MAOA: variants seen among roughly 807,000 people sequenced by gnomAD.
MAOA encodes monoamine oxidase A, also known as amine oxidase [flavin-containing] A.
In MAOA, 6 loss-of-function variants were observed where a neutral mutation model predicts 42.0. That is an observed-to-expected ratio of 0.14 (90% CI 0.08 to 0.28). The LOEUF (loss-of-function observed/expected upper bound fraction) is 0.28. Ranked by LOEUF, MAOA falls within the 10% of genes least tolerant of loss-of-function variation. MAOA has a pLI of 1.00. For synonymous variants in MAOA, 140 were observed against 154.0 expected (o/e 0.91, Z 0.67); for missense variants, 262 against 422.3 (o/e 0.62, Z 3.33).
In MAOA at chrX:43,711,950, A is replaced by C. The variant is rs1800464; in HGVS notation, c.385A>C (p.Arg129=). 76,739 of 1,199,692 alleles carry C rather than the reference A, an allele frequency of 0.064. 6,092 individuals carry two copies. Among genetic ancestry groups the C allele is most frequent in the African/African-American group, 0.5 (28,042 of 56,506 alleles). The change falls in exon 4 of 15, where the codon AGG becomes CGG. Residue 129 remains arginine (R), a synonymous_variant. Transcript: ENST00000338702. ...ATATTTGGATTACAATAATCTGTGG[A>C]GGACAATAGATAACATGGGGAAGGA... ...IAYLDYNNLW[R]TIDNMGKEIP... is the part of the protein sequence containing the mutation.
At chrX:43,710,721 C>T (rs1002486700) in intron 3 of MAOA, among the ~76,000 whole-genome samples, 2 of 111,958 alleles carry the variant, frequency 1.8e-5, no homozygotes, top group Non-Finnish European at 3.8e-5. Context: ...CTCTACTCAC[C>T]ATTGCTTCTC....
chrX:43,656,849 G>A (rs1461692355), intron 1 of MAOA, among the ~76,000 whole-genome samples: 1 of 109,615 alleles, frequency 9.1e-6, no homozygotes, highest in Non-Finnish European at 1.9e-5. Context: ...TTTAAGACCT[G>A]CAGTACTAAT....
At chrX:43,672,976 C>T (rs185592233) in intron 1 of MAOA, among the ~76,000 whole-genome samples, 2,270 of 111,495 alleles carry the variant, frequency 0.02, 31 homozygotes, top group Non-Finnish European at 0.032. Context: ...GGAGGATTCT[C>T]TCTTTTTCTA....
At chrX:43,722,237 C>A (rs1386884389) in intron 5 of MAOA, among the ~76,000 whole-genome samples, 4 of 112,140 alleles carry the variant, frequency 3.6e-5, no homozygotes, top group Non-Finnish European at 7.5e-5. Flanking sequence ...AATGGTATTT[C>A]TAGTTCCAGA....
chrX:43,669,097 T>C (rs1219776892), intron 1 of MAOA, among the ~76,000 whole-genome samples: 1 of 110,052 alleles, frequency 9.1e-6, no homozygotes, highest in Admixed American at 9.8e-5. Context: ...TCATTGTACA[T>C]AGGGTAGATA....
chrX:43,727,524 A>G (rs2033848962), intron 5 of MAOA, among the ~76,000 whole-genome samples: 1 of 112,419 alleles, frequency 8.9e-6, no homozygotes, highest in Admixed American at 9.4e-5. Flanking sequence ...ACCAAGCTCG[A>G]GCATTCCAGG....
intron 1 of MAOA, among the ~76,000 whole-genome samples, chrX:43,677,074 AT>A (rs1483222052): frequency 8.9e-6 from 1 of 111,752 alleles, no homozygotes; most frequent in East Asian, 2.8e-4. Context: ...AATAATGTGA[AT>A]ATTCTTGAAG....
intron 3 of MAOA, among the ~76,000 whole-genome samples, chrX:43,701,511 C>G (rs770818328): frequency 8.9e-6 from 1 of 111,957 alleles, no homozygotes; most frequent in Non-Finnish European, 1.9e-5. Context: ...TGTTGTGCCA[C>G]TGTCGCCACC....
At chrX:43,710,823 A>G (rs2033694145) in intron 3 of MAOA, among the ~76,000 whole-genome samples, 1 of 112,012 alleles carries the variant, frequency 8.9e-6, no homozygotes, top group Admixed American at 9.5e-5. Flanking sequence ...GTACCAAGCA[A>G]TAGAAACCAA....
intron 3 of MAOA, among the ~76,000 whole-genome samples, chrX:43,700,464 T>TTTCACAG (rs2033614871): frequency 8.9e-6 from 1 of 111,849 alleles, no homozygotes; most frequent in African/African-American, 3.3e-5. Context: ...ACAGTTTATA[T>TTTCACAG]TTCACAGTTC....
chrX:43,679,862 C>A (rs1448932770), intron 1 of MAOA, among the ~76,000 whole-genome samples: 1 of 112,095 alleles, frequency 8.9e-6, no homozygotes, highest in Non-Finnish European at 1.9e-5. Flanking sequence ...GAACTTAACC[C>A]TAAAGAAATA....
chrX:43,673,575 G>A lies in MAOA; in HGVS notation c.74-9938G>A, dbSNP rs769857083. 3.4e-3 allele frequency among the ~76,000 whole-genome samples: 375 copies of A among 108,720 alleles called. 2 individuals are homozygous for A. The highest frequency in any genetic ancestry group is 0.012 in the African/African-American group (364 of 29,862). The allele number at this position is 108,720 out of a possible 115,157, so 94.4% of individuals were successfully genotyped here. A position where few individuals can be genotyped will look rare whatever the true frequency, so the allele number is the denominator to read the frequency against. On this transcript the variant is annotated intron_variant, in intron 1 of 14. Coordinates refer to ENST00000338702, the MANE Select transcript of MAOA (RefSeq NM_000240.4). Reference sequence around the variant, plus strand: ...TTGGATCTTTCCTGCTTTCTCTTGTGGGCATTTAGTGCTATAAATTTCCCT... The same window carrying A: ...TTGGATCTTTCCTGCTTTCTCTTGTAGGCATTTAGTGCTATAAATTTCCCT...
intron 9 of MAOA, among the ~76,000 whole-genome samples, chrX:43,733,127 C>T (rs1033846848): frequency 2.7e-5 from 3 of 112,007 alleles, no homozygotes; most frequent in Non-Finnish European, 5.6e-5. Flanking sequence ...ATGTCCACAG[C>T]CATTCTGAAA....
At chrX:43,729,649 T>C (rs988254331) in intron 6 of MAOA, among the ~76,000 whole-genome samples, 1 of 111,516 alleles carries the variant, frequency 9.0e-6, no homozygotes, top group African/African-American at 3.3e-5. Context: ...TTCCTTTTTT[T>C]AATTTAATTT....
intron 7 of MAOA, 100 bp downstream of exon 7, chrX:43,731,490 A>G: frequency 1.0e-6 from 1 of 982,636 alleles, no homozygotes; most frequent in Non-Finnish European, 1.4e-6. Flanking sequence ...ATTAATGCTG[A>G]CATGTTTCCG....
intron 5 of MAOA, among the ~76,000 whole-genome samples, chrX:43,722,021 A>G (rs2033794418): frequency 9.0e-6 from 1 of 111,368 alleles, no homozygotes; most frequent in Non-Finnish European, 1.9e-5. Flanking sequence ...ACATGAACTC[A>G]TCCTTTTTTT....
In MAOA at chrX:43,731,851, A is replaced by C; in HGVS notation, c.953A>C (p.Lys318Thr). 5.0e-6 allele frequency: 6 copies of C among 1,203,694 alleles called. No individual in the cohort carries two copies. The highest frequency in any genetic ancestry group is 6.8e-6 in the Non-Finnish European group (6 of 887,946). The change falls in exon 8 of 15, where the codon AAG becomes ACG. Residue 318 changes from lysine (K) to threonine (T), a missense_variant and splice_region_variant. Physicochemically the swap from Lys to Thr is moderately conservative, Grantham distance 78 (BLOSUM62 -1). Around this residue, in one of 3 missense-constraint regions of MAOA, gnomAD observed 86 missense variants for 190.3 expected, o/e 0.45. Coordinates refer to ENST00000338702, the MANE Select transcript of MAOA (RefSeq NM_000240.4). ...TACAAGGAGGCCTTCTGGAAGAAGA[A>C]GGGTAGGCTGCTATTATTCATGTTT... ...MYYKEAFWKK[K>T]DYCGCMIIED...
In MAOA at chrX:43,696,689, T is replaced by C. The variant is rs1488332503; in HGVS notation, c.306+3261T>C. ...AGGCGGAGTTTGCAGCGAGCCACGATTGCGCCACTGCACTCCAGCCTGGGT... is the reference window on the plus strand; with the variant it reads ...AGGCGGAGTTTGCAGCGAGCCACGACTGCGCCACTGCACTCCAGCCTGGGT... On this transcript the variant is annotated intron_variant, in intron 3 of 14. Coordinates refer to ENST00000338702, the MANE Select transcript of MAOA (RefSeq NM_000240.4). Among the ~76,000 whole-genome samples the C allele has an allele frequency of 2.8e-5, 3 of 107,707 alleles. No homozygotes were observed. The Admixed American group carries it at 3.0e-4, about 11-fold the overall frequency. 93.5% of individuals were successfully genotyped at this position (107,707 alleles called of 115,157 possible).
At chrX:43,725,714 T>C (rs757845598) in intron 5 of MAOA, among the ~76,000 whole-genome samples, 2 of 111,781 alleles carry the variant, frequency 1.8e-5, no homozygotes, top group East Asian at 5.6e-4. Context: ...TCCTATCATT[T>C]TGATGCTAGC....
Sources: gnomAD v4.1 joint callset for allele counts (sites outside exome capture counted in the v4.1 genomes callset) on GRCh38, gnomAD v4.1.1 for gene constraint, gnomAD v4.1.1 regional missense constraint, MANE v1.5 for transcripts, NCBI Gene and HGNC (gene_info 2026-07-23, HGNC 2026-07-21) for gene names.